Variants in FAM3C observed in about 807,000 individuals in gnomAD.
FAM3C encodes the protein protein FAM3C.
FAM3C carries 15 observed loss-of-function variants against 32.5 expected under a neutral mutation model. The observed-to-expected ratio is 0.46, with a 90% CI of 0.31 to 0.71. The LOEUF (loss-of-function observed/expected upper bound fraction) is 0.71. Among genes scored for constraint, FAM3C ranks in the 30% least tolerant of loss-of-function variants. The probability of loss-of-function intolerance (pLI) is 0.05; values close to 1 mark genes in which losing one functional copy is unlikely to be tolerated. For missense variants in FAM3C, 175 were observed against 274.4 expected, an observed-to-expected ratio of 0.64 and a Z score of 2.56; for synonymous variants, 75 against 86.1, an observed-to-expected ratio of 0.87 and a Z score of 0.72.
chr7:121,362,372 A>G (rs1793942666), intron 7 of FAM3C, among the ~76,000 whole-genome samples: 1 of 152,218 alleles, frequency 6.6e-6, no homozygotes, highest in Non-Finnish European at 1.5e-5. Context: ...CTAAAAAATT[A>G]GCTGCAAGTC....
chr7:121,383,053 C>T, intron 1 of FAM3C, 43 bp from the exon 2 acceptor site: 1 of 1,033,286 alleles, frequency 9.7e-7, no homozygotes, highest in Non-Finnish European at 1.5e-6. Context: ...AGCTCTAGAG[C>T]AAACATTCCT....
chr7:121,382,549 GT>G (rs3068115), intron 2 of FAM3C, among the ~76,000 whole-genome samples: 33,587 of 130,624 alleles, frequency 0.26, 4,196 homozygotes, highest in African/African-American at 0.43. Flanking sequence ...CAGTCTTTAG[GT>G]TTTTTTTTTT....
At chr7:121,379,782 T>G (rs893727970) in intron 2 of FAM3C, among the ~76,000 whole-genome samples, 1 of 152,152 alleles carries the variant, frequency 6.6e-6, no homozygotes, top group Non-Finnish European at 1.5e-5. Context: ...ACAGGGAGTA[T>G]GTAGAAAATC....
intron 6 of FAM3C, 95 bp from the exon 7 acceptor site, chr7:121,363,042 T>G (rs1034742350): frequency 1.6e-6 from 1 of 631,478 alleles, no homozygotes; most frequent in Non-Finnish European, 2.8e-6. Flanking sequence ...GTGAATTCAT[T>G]AGCAGAGAAG....
At position 121,355,504 on chromosome 7, in the gene FAM3C, A is replaced by G. The variant is rs552208021; in HGVS notation, c.468-4235T>C. The stretch of plus-strand genomic sequence containing the variant: ...TAAAAAGCAATAAGGAAAGAAAGGG[A>G]AATAAAGGGGAACTAGTGGGAAGGA... On this transcript the variant is annotated intron_variant, in intron 8 of 9. Transcript: ENST00000359943. Among the ~76,000 whole-genome samples the G allele has an allele frequency of 1.3e-5, 2 of 152,318 alleles. 1 individual carries two copies. Among genetic ancestry groups the G allele is most frequent in the South Asian group, 4.1e-4 (2 of 4,826 alleles).
intron 5 of FAM3C, among the ~76,000 whole-genome samples, chr7:121,369,923 A>T (rs1794110725): frequency 6.9e-6 from 1 of 145,868 alleles, no homozygotes. Flanking sequence ...TAATCTGTGA[A>T]TAAAAAACCT....
chr7:121,354,367 A>G (rs1187250575), intron 8 of FAM3C, among the ~76,000 whole-genome samples: 3 of 152,218 alleles, frequency 2.0e-5, no homozygotes. Flanking sequence ...TTCAAAATGA[A>G]CAGAAAATTA....
At chr7:121,365,521 A>G (rs1459373375) in intron 5 of FAM3C, among the ~76,000 whole-genome samples, 4 of 152,136 alleles carry the variant, frequency 2.6e-5, no homozygotes, top group African/African-American at 9.7e-5. Flanking sequence ...AGAAAGCACT[A>G]AAGAAGCTAT....
chr7:121,362,703 T>A (rs1237583815), intron 7 of FAM3C, 194 bp downstream of exon 7: 1 of 527,708 alleles, frequency 1.9e-6, no homozygotes, highest in Admixed American at 4.2e-5. Flanking sequence ...CAAAAATTTT[T>A]TTCTAAGAAG....
At chr7:121,389,537 C>T (rs1794535411) in intron 1 of FAM3C, among the ~76,000 whole-genome samples, 3 of 152,090 alleles carry the variant, frequency 2.0e-5, no homozygotes, top group African/African-American at 7.2e-5. Flanking sequence ...AAGATTTGTT[C>T]TAACCTACAG....
Position 121,372,149 on chromosome 7 carries a change from A to T in FAM3C, c.119-10T>A, listed in dbSNP as rs1270511417. 2 of 1,603,658 alleles carry T rather than the reference A, an allele frequency of 1.2e-6. No individual in the cohort carries two copies. Among genetic ancestry groups the T allele is most frequent in the Non-Finnish European group, 1.7e-6 (2 of 1,171,906 alleles). ...TCCAATGCTGATCTTGCTGAAAAAA[A>T]AAAATTACTTTTGTTAGAAGGAATG... On this transcript the variant is annotated splice_polypyrimidine_tract_variant and intron_variant, in intron 3 of 9. Transcript: ENST00000359943.
rs57878748 is a variant in FAM3C at position 121,372,142 on chromosome 7, GA to G, written c.119-4del. 20,055 of 1,283,960 alleles carry G rather than the reference GA, an allele frequency of 0.016. 810 individuals carry two copies. In the African/African-American group the frequency reaches 0.16, roughly 10 times the overall value. 79.5% of individuals were successfully genotyped at this position (1,283,960 alleles called of 1,614,324 possible). A position where few individuals can be genotyped will look rare whatever the true frequency, so the allele number is the denominator to read the frequency against. ...AGCTGTGTCCAATGCTGATCTTGCT[GA>G]AAAAAAAAAATTACTTTTGTTAGAA... On this transcript the variant is annotated splice_region_variant and splice_polypyrimidine_tract_variant and intron_variant, in intron 3 of 9. Coordinates refer to ENST00000359943, the MANE Select transcript of FAM3C (RefSeq NM_014888.3).
chr7:121,357,256 C>T (rs1793832874), intron 8 of FAM3C, among the ~76,000 whole-genome samples: 1 of 152,110 alleles, frequency 6.6e-6, no homozygotes, highest in Non-Finnish European at 1.5e-5. Flanking sequence ...CTGGGTCCTG[C>T]TTTCTCTGGT....
chr7:121,373,831 G>C lies in FAM3C; in HGVS notation c.119-1692C>G, dbSNP rs181106872. ...AGGTCAGGAGATCGAGACCATCCTG[G>C]CTAACACGGTGAAACCCCATCTCTA... On this transcript the variant is annotated intron_variant, in intron 3 of 9. Coordinates refer to ENST00000359943, the MANE Select transcript of FAM3C (RefSeq NM_014888.3). Among the ~76,000 whole-genome samples the C allele has an allele frequency of 7.9e-5, 12 of 151,696 alleles. No homozygotes were observed. The East Asian group carries it at 2.3e-3, about 30-fold the overall frequency.
chr7:121,371,196 T>C (rs1246134923), intron 5 of FAM3C, 104 bp downstream of exon 5: 1 of 1,327,144 alleles, frequency 7.5e-7, no homozygotes, highest in Non-Finnish European at 1.0e-6. Context: ...CACTTTCCAT[T>C]AATAAAGTAT....
At chr7:121,371,541 C>A in intron 4 of FAM3C, 118 bp from the exon 5 acceptor site, 1 of 1,074,456 alleles carries the variant, frequency 9.3e-7, no homozygotes, top group Non-Finnish European at 1.3e-6. Flanking sequence ...ATACACGTAT[C>A]TTAAAATACA....
chr7:121,383,001 TA>T lies in FAM3C; in HGVS notation c.-33del. On this transcript the variant is annotated 5_prime_UTR_variant, in exon 2 of 10. Coordinates refer to ENST00000359943, the MANE Select transcript of FAM3C (RefSeq NM_014888.3). ...TTTTTCAGTTTATGGCACTTTTCAT[TA>T]ATATGCTCCTAAAAAATCAAAACAA... is the stretch of plus-strand genomic sequence containing the variant. The T allele has an allele frequency of 6.3e-7, 1 of 1,578,920 alleles. No individual in the cohort carries two copies. Among genetic ancestry groups the T allele is most frequent in the Non-Finnish European group, 8.7e-7 (1 of 1,152,672 alleles).
In FAM3C at chr7:121,372,032, A is replaced by G. The variant is rs1292108551; in HGVS notation, c.148+78T>C. On this transcript the variant is annotated intron_variant, in intron 4 of 9. Coordinates refer to ENST00000359943, the MANE Select transcript of FAM3C (RefSeq NM_014888.3). ...AAGCAGTTTTTCCTCATACTGAACTACTGACACTTTGAATATAAGCTCTCA... is the reference window on the plus strand; with the variant it reads ...AAGCAGTTTTTCCTCATACTGAACTGCTGACACTTTGAATATAAGCTCTCA... 3 of 1,044,464 alleles carry G rather than the reference A, an allele frequency of 2.9e-6. No homozygotes were observed. In the African/African-American group the frequency reaches 4.8e-5, roughly 17 times the overall value. 64.7% of individuals were successfully genotyped at this position (1,044,464 alleles called of 1,614,324 possible).
At chr7:121,362,846 G>A (rs762972333) in intron 7 of FAM3C, 51 bp downstream of exon 7, 61 of 935,350 alleles carry the variant, frequency 6.5e-5, no homozygotes, top group South Asian at 3.6e-4. Flanking sequence ...TTGTATTGAG[G>A]TGATTAAGTC....
Sources: gnomAD v4.1 joint callset for allele counts (sites outside exome capture counted in the v4.1 genomes callset) on GRCh38, gnomAD v4.1.1 for gene constraint, MANE v1.5 for transcripts, NCBI Gene and HGNC (gene_info 2026-07-23, HGNC 2026-07-21) for gene names.